The following RALYL variants were observed in gnomAD, a reference collection of about 807,000 sequenced individuals.
RALYL encodes the protein RNA-binding Raly-like protein.
In RALYL, 29 loss-of-function variants were observed where a neutral mutation model predicts 35.1. That is an observed-to-expected ratio of 0.83 (90% CI 0.61 to 1.13). The LOEUF is 1.13. Ranked by LOEUF, RALYL falls within the 50% of genes most tolerant of loss-of-function variation. RALYL has a pLI of 0.00. For synonymous variants in RALYL, 120 were observed against 127.6 expected (o/e 0.94, Z 0.40); for missense variants, 359 against 360.4 (o/e 1.00, Z 0.03).
chr8:84,485,261 A>T (rs2054485654), intron 1 of RALYL, among the ~76,000 whole-genome samples: 1 of 152,140 alleles, frequency 6.6e-6, no homozygotes, highest in Admixed American at 6.5e-5. Flanking sequence ...CTGGGGGCCT[A>T]GCAAACATCT....
At chr8:84,316,671 C>T (rs933174208) in intron 1 of RALYL, among the ~76,000 whole-genome samples, 5 of 151,996 alleles carry the variant, frequency 3.3e-5, no homozygotes, top group Admixed American at 6.6e-5. Flanking sequence ...ATTCTGCATC[C>T]GCAAATTCAA....
intron 1 of RALYL, among the ~76,000 whole-genome samples, chr8:84,287,580 A>G (rs1158962802): frequency 2.0e-5 from 3 of 151,414 alleles, no homozygotes; most frequent in African/African-American, 4.9e-5. Flanking sequence ...ATAGAAGGAA[A>G]TGGTCTGGAA....
At chr8:84,274,124 T>A (rs534015911) in intron 1 of RALYL, among the ~76,000 whole-genome samples, 1 of 152,306 alleles carries the variant, frequency 6.6e-6, no homozygotes, top group South Asian at 2.1e-4. Context: ...ACATTTTACT[T>A]GAATGTAAAA....
At chr8:84,514,150 A>C (rs1469686912) in intron 1 of RALYL, among the ~76,000 whole-genome samples, 1 of 59,288 alleles carries the variant, frequency 1.7e-5, no homozygotes, top group Non-Finnish European at 3.8e-5. Context: ...AGAAAGGAAT[A>C]CCTAAATACC....
At chr8:84,202,252 A>C (rs945947505) in intron 1 of RALYL, among the ~76,000 whole-genome samples, 10 of 151,992 alleles carry the variant, frequency 6.6e-5, no homozygotes, top group Non-Finnish European at 1.5e-4. Flanking sequence ...TCTTCATCTA[A>C]AGGACTTTAC....
At position 84,743,478 on chromosome 8, in the gene RALYL, A is replaced by C. The variant is rs78150791; in HGVS notation, c.257-31101A>C. Among the ~76,000 whole-genome samples the C allele has an allele frequency of 1.7e-3, 252 of 152,152 alleles. 6 individuals are homozygous for C. The East Asian group carries it at 0.047, about 28-fold the overall frequency. Reference sequence around the variant, plus strand: ...TCTCTTATGGAGACGCTGTCAATTTATGCTCAACATTTGAAAACATATTGG... The same window carrying C: ...TCTCTTATGGAGACGCTGTCAATTTCTGCTCAACATTTGAAAACATATTGG... On this transcript the variant is annotated intron_variant, in intron 2 of 8. Coordinates refer to ENST00000521268, the MANE Select transcript of RALYL (RefSeq NM_173848.7).
chr8:84,661,329 C>T (rs2131655889), intron 2 of RALYL, among the ~76,000 whole-genome samples: 1 of 152,208 alleles, frequency 6.6e-6, no homozygotes, highest in Non-Finnish European at 1.5e-5. Context: ...GTCACCCACT[C>T]CTCTGATAAA....
intron 5 of RALYL, among the ~76,000 whole-genome samples, chr8:84,850,940 G>C (rs1184456603): frequency 6.6e-6 from 1 of 152,144 alleles, no homozygotes; most frequent in East Asian, 1.9e-4. Flanking sequence ...ATGTCGATAA[G>C]TTTGCCTTTA....
At chr8:84,239,548 T>C (rs1389969581) in intron 1 of RALYL, among the ~76,000 whole-genome samples, 1 of 152,146 alleles carries the variant, frequency 6.6e-6, no homozygotes, top group African/African-American at 2.4e-5. Flanking sequence ...CATAGGTTAA[T>C]AGCTTACTCA....
intron 1 of RALYL, among the ~76,000 whole-genome samples, chr8:84,201,204 C>T (rs1353525814): frequency 6.6e-6 from 1 of 151,608 alleles, no homozygotes; most frequent in Non-Finnish European, 1.5e-5. Context: ...TGTAAAATAA[C>T]ATGAATAGAA....
intron 1 of RALYL, among the ~76,000 whole-genome samples, chr8:84,323,290 A>T (rs1231256735): frequency 6.6e-6 from 1 of 152,072 alleles, no homozygotes; most frequent in Admixed American, 6.6e-5. Context: ...AGTATATTTT[A>T]TACAAAGGAA....
chr8:84,793,223 T>G (rs1335854531), intron 3 of RALYL, among the ~76,000 whole-genome samples: 1 of 151,936 alleles, frequency 6.6e-6, no homozygotes, highest in Non-Finnish European at 1.5e-5. Flanking sequence ...TAAGAAAAGA[T>G]AGAAAAGAGA....
intron 1 of RALYL, among the ~76,000 whole-genome samples, chr8:84,499,817 C>T (rs1394377250): frequency 6.6e-6 from 1 of 152,106 alleles, no homozygotes; most frequent in Non-Finnish European, 1.5e-5. Flanking sequence ...TGCAGTGGCA[C>T]CATCATGGCT....
chr8:84,681,366 G>A (rs1835448374), intron 2 of RALYL, among the ~76,000 whole-genome samples: 1 of 152,158 alleles, frequency 6.6e-6, no homozygotes, highest in Non-Finnish European at 1.5e-5. Context: ...CATTAAAGTA[G>A]TTTTTTCCAA....
At chr8:84,653,639 C>A (rs1829303671) in intron 2 of RALYL, among the ~76,000 whole-genome samples, 1 of 151,876 alleles carries the variant, frequency 6.6e-6, no homozygotes, top group Admixed American at 6.6e-5. Flanking sequence ...ACAGCAAAAG[C>A]CCCATTACCA....
At chr8:84,402,983 C>A (rs2043072521) in intron 1 of RALYL, among the ~76,000 whole-genome samples, 1 of 152,090 alleles carries the variant, frequency 6.6e-6, no homozygotes, top group Admixed American at 6.6e-5. Flanking sequence ...CTGTTGATAT[C>A]TTTTGCCCAC....
intron 1 of RALYL, among the ~76,000 whole-genome samples, chr8:84,325,058 G>A (rs1845559680): frequency 6.6e-6 from 1 of 152,040 alleles, no homozygotes; most frequent in Non-Finnish European, 1.5e-5. Flanking sequence ...AAAGATTGTT[G>A]TACTAGTAGA....
At chr8:84,544,399 G>T (rs565235423) in intron 2 of RALYL, among the ~76,000 whole-genome samples, 6 of 151,684 alleles carry the variant, frequency 4.0e-5, no homozygotes, top group African/African-American at 1.4e-4. Context: ...AAATCATGAT[G>T]TGTTAAACAT....
chr8:84,273,179 A>G (rs1230609496), intron 1 of RALYL, among the ~76,000 whole-genome samples: 1 of 152,222 alleles, frequency 6.6e-6, no homozygotes. Context: ...TACAGTTTCT[A>G]TAGATCAGAC....
Sources: allele counts gnomAD v4.1 joint callset (sites outside exome capture counted in the v4.1 genomes callset), GRCh38; gene constraint gnomAD v4.1.1; transcripts MANE v1.5; gene names NCBI Gene and HGNC (gene_info 2026-07-23, HGNC 2026-07-21).